The following EFCAB7 variants were observed in gnomAD, a reference collection of about 807,000 sequenced individuals.
EFCAB7 encodes the protein EF-hand calcium-binding domain-containing protein 7.
EFCAB7 carries 66 observed loss-of-function variants against 77.1 expected under a neutral mutation model. That is an observed-to-expected ratio of 0.86 (90% confidence interval 0.70 to 1.05). EFCAB7 has a LOEUF of 1.05. Ranked by LOEUF, EFCAB7 falls within the 50% of genes least tolerant of loss-of-function variation. EFCAB7 has a pLI of 0.00. For synonymous variants in EFCAB7, 225 were observed against 243.3 expected, an observed-to-expected ratio of 0.92 and a Z score of 0.70; for missense variants, 638 against 730.5, an observed-to-expected ratio of 0.87 and a Z score of 1.46.
chr1:63,536,439 G>C (rs1413457741), intron 6 of EFCAB7, among the ~76,000 whole-genome samples: 1 of 152,080 alleles, frequency 6.6e-6, no homozygotes, highest in East Asian at 1.9e-4. Flanking sequence ...CTGGAATGCA[G>C]GTGGGATCTT....
Position 63,525,601 on chromosome 1 carries a change from CTT to C in EFCAB7, c.31_32del (p.Phe11LeufsTer20). On this transcript the variant is annotated frameshift_variant, in exon 2 of 14. Transcript: ENST00000371088. LOFTEE classifies it high-confidence loss of function. ...GCGATCAGTCCACGAAGCGATGCAA[CTT>C]TCTCCAGTCAGAAATCAACACCTTC... 6.4e-7 allele frequency: 1 copy of C among 1,570,966 alleles called. No individual in the cohort carries two copies. Among genetic ancestry groups the C allele is most frequent in the Non-Finnish European group, 8.6e-7 (1 of 1,169,122 alleles).
intron 6 of EFCAB7, among the ~76,000 whole-genome samples, chr1:63,539,439 A>G (rs917188514): frequency 6.6e-6 from 1 of 152,220 alleles, no homozygotes; most frequent in Non-Finnish European, 1.5e-5. Flanking sequence ...ATGCCTTACC[A>G]TACTTTATTG....
At position 63,551,816 on chromosome 1, in the gene EFCAB7, C is replaced by A; in HGVS notation, c.1038C>A (p.Thr346=). The A allele has an allele frequency of 1.3e-6, 2 of 1,586,110 alleles. No homozygotes were observed. Among genetic ancestry groups the A allele is most frequent in the Non-Finnish European group, 8.6e-7 (1 of 1,165,256 alleles). The change falls in exon 8 of 14, where the codon ACC becomes ACA. Residue 346 remains threonine (T), a synonymous_variant. Coordinates refer to ENST00000371088, the MANE Select transcript of EFCAB7 (RefSeq NM_032437.4). ...CAAATCTACAGCTTGTGTGTTTTAC[C>A]GAACTACGAAATAGAGAAGTATACA... ...SQANLQLVCF[T]ELRNREVFGW... is the part of the protein sequence containing the mutation.
At chr1:63,547,270 G>A (rs932690012) in intron 7 of EFCAB7, 2 of 151,954 alleles carry the variant, frequency 1.3e-5, no homozygotes, top group African/African-American at 2.4e-5. Context: ...AATAGTTATC[G>A]AGGGCCTTAT....
intron 7 of EFCAB7, among the ~76,000 whole-genome samples, chr1:63,546,897 G>C (rs919605231): frequency 6.6e-6 from 1 of 152,092 alleles, no homozygotes; most frequent in Non-Finnish European, 1.5e-5. Context: ...TGTCTAAAAT[G>C]GTTATGTAAT....
chr1:63,582,572 A>T, the EFCAB7 span, among the ~76,000 whole-genome samples: 20 of 152,328 alleles, frequency 1.3e-4, no homozygotes, highest in East Asian at 2.1e-3. Flanking sequence ...CAGGATTTTT[A>T]AAAAAGTGAA....
chr1:63,546,509 G>A (rs1161814316), intron 7 of EFCAB7, among the ~76,000 whole-genome samples: 1 of 151,950 alleles, frequency 6.6e-6, no homozygotes, highest in Non-Finnish European at 1.5e-5. Context: ...GGGACTACAG[G>A]TGCACACCAC....
At chr1:63,571,670 CAAAAAAAAAAAAAA>C (rs10605515) in intron 13 of EFCAB7, among the ~76,000 whole-genome samples, 18 of 65,314 alleles carry the variant, frequency 2.8e-4, no homozygotes, top group Non-Finnish European at 3.8e-4. Flanking sequence ...GACTCTGTCT[CAAAAAAAAAAAAAA>C]AAAAAAAAAA....
At chr1:63,561,285 A>G (rs1471932422) in intron 10 of EFCAB7, among the ~76,000 whole-genome samples, 1 of 152,176 alleles carries the variant, frequency 6.6e-6, no homozygotes, top group Non-Finnish European at 1.5e-5. Context: ...GAAACTCAGT[A>G]GTTTGGGGAG....
At chr1:63,538,556 T>A (rs1331254063) in intron 6 of EFCAB7, among the ~76,000 whole-genome samples, 2 of 151,542 alleles carry the variant, frequency 1.3e-5, no homozygotes, top group African/African-American at 4.9e-5. Context: ...CGAGTTCGAG[T>A]GATTCTCCTG....
the EFCAB7 span, among the ~76,000 whole-genome samples, chr1:63,582,465 C>T: frequency 6.6e-6 from 1 of 152,204 alleles, no homozygotes; most frequent in African/African-American, 2.4e-5. Context: ...GCATGAGAAC[C>T]TTGCCCTTTT....
At chr1:63,576,261 C>T (rs996795866), downstream of EFCAB7, among the ~76,000 whole-genome samples, 4 of 152,104 alleles carry the variant, frequency 2.6e-5, no homozygotes, top group South Asian at 2.1e-4. Flanking sequence ...TGGCAGATCA[C>T]CTGAGGTCAG....
chr1:63,548,613 G>T (rs1376732295), intron 7 of EFCAB7: 1 of 151,892 alleles, frequency 6.6e-6, no homozygotes, highest in Non-Finnish European at 1.5e-5. Context: ...CACTTGTATG[G>T]TACCTGACAT....
chr1:63,552,055 A>C (rs766417942), intron 8 of EFCAB7, among the ~76,000 whole-genome samples: 6 of 151,996 alleles, frequency 3.9e-5, no homozygotes, highest in Non-Finnish European at 7.4e-5. Flanking sequence ...CGATTTCTTA[A>C]GAATTAAGGA....
chr1:63,549,311 A>C, intron 7 of EFCAB7: 1 of 469,070 alleles, frequency 2.1e-6, no homozygotes, highest in South Asian at 1.6e-5. Flanking sequence ...CTATTTGATG[A>C]AGATGTCTTT....
chr1:63,562,449 T>TTATATATA (rs869302346), intron 11 of EFCAB7, among the ~76,000 whole-genome samples: 618 of 21,970 alleles, frequency 0.028, 11 homozygotes, highest in Non-Finnish European at 0.037. Context: ...CTTAATTTAT[T>TTATATATA]TATATATATA....
intron 1 of EFCAB7, among the ~76,000 whole-genome samples, chr1:63,523,860 G>A (rs1194451289): frequency 2.6e-5 from 4 of 152,018 alleles, no homozygotes; most frequent in Admixed American, 6.6e-5. Flanking sequence ...GACGGTGACT[G>A]GACGGCTTTC....
intron 6 of EFCAB7, among the ~76,000 whole-genome samples, chr1:63,544,023 G>A (rs1026146761): frequency 7.6e-5 from 11 of 144,120 alleles, no homozygotes; most frequent in African/African-American, 2.9e-4. Context: ...AGGCTGGAGT[G>A]TAGTGGCATG....
intron 1 of EFCAB7, among the ~76,000 whole-genome samples, chr1:63,524,187 A>T (rs1445035654): frequency 6.6e-6 from 1 of 152,202 alleles, no homozygotes; most frequent in Non-Finnish European, 1.5e-5. Flanking sequence ...CCTAAAATAT[A>T]CTTATATTTT....
Sources: gnomAD v4.1 joint callset for allele counts (sites outside exome capture counted in the v4.1 genomes callset) on GRCh38, gnomAD v4.1.1 for gene constraint, MANE v1.5 for transcripts, NCBI Gene and HGNC (gene_info 2026-07-23, HGNC 2026-07-21) for gene names.